The following TUSC3 variants were observed in gnomAD, a reference collection of about 807,000 sequenced individuals.
TUSC3 encodes tumor suppressor candidate 3, also known as dolichyl-diphosphooligosaccharide--protein glycosyltransferase subunit TUSC3.
In TUSC3, 45 loss-of-function variants were observed where a neutral mutation model predicts 44.8. That is an observed-to-expected ratio of 1.00 (90% CI 0.79 to 1.29). TUSC3 has a LOEUF of 1.29. Ranked by LOEUF, TUSC3 falls within the 50% of genes most tolerant of loss-of-function variation. The probability of loss-of-function intolerance (pLI) is 0.00; values close to 1 mark genes in which losing one functional copy is unlikely to be tolerated. For missense variants in TUSC3, 519 were observed against 437.9 expected (o/e 1.19, Z -1.65); for synonymous variants, 212 against 152.9 (o/e 1.39, Z -2.85).
chr8:15,633,118 A>G (rs577898283), intron 2 of TUSC3, among the ~76,000 whole-genome samples: 9 of 152,326 alleles, frequency 5.9e-5, no homozygotes, highest in East Asian at 1.9e-4. Context: ...ATAGATGTGT[A>G]TACGTATTTT....
At chr8:15,805,720 G>C in the TUSC3 span, among the ~76,000 whole-genome samples, 2 of 152,092 alleles carry the variant, frequency 1.3e-5, no homozygotes, top group African/African-American at 2.4e-5. Flanking sequence ...ACTGGATTCA[G>C]TTTGCTAGGA....
intron 2 of TUSC3, among the ~76,000 whole-genome samples, chr8:15,637,942 C>G (rs764116941): frequency 9.2e-5 from 14 of 152,184 alleles, no homozygotes; most frequent in Non-Finnish European, 1.8e-4. Context: ...CTGTTTCACT[C>G]TATCACCAAC....
chr8:15,698,437 C>G (rs1326323954), intron 6 of TUSC3, among the ~76,000 whole-genome samples: 2 of 152,228 alleles, frequency 1.3e-5, no homozygotes, highest in Non-Finnish European at 2.9e-5. Flanking sequence ...AGTTTATATA[C>G]TTACTAAATC....
At chr8:15,815,010 GAC>G in the TUSC3 span, among the ~76,000 whole-genome samples, 3 of 152,168 alleles carry the variant, frequency 2.0e-5, no homozygotes, top group East Asian at 3.9e-4. Flanking sequence ...GATACACACA[GAC>G]ACAAATTAAA....
intron 1 of TUSC3, among the ~76,000 whole-genome samples, chr8:15,448,192 C>T (rs892632443): frequency 6.7e-6 from 1 of 149,116 alleles, no homozygotes. Context: ...GATCTCAGCT[C>T]ACTGCAACCT....
At chr8:15,523,692 G>GTATATA (rs1366898185) in intron 2 of TUSC3, among the ~76,000 whole-genome samples, 6 of 48,432 alleles carry the variant, frequency 1.2e-4, no homozygotes, top group African/African-American at 4.3e-4. Flanking sequence ...GTGTGTGTGT[G>GTATATA]TGTGTGTGTG....
intron 6 of TUSC3, among the ~76,000 whole-genome samples, chr8:15,726,676 C>G (rs1810508633): frequency 6.6e-6 from 1 of 152,006 alleles, no homozygotes; most frequent in South Asian, 2.1e-4. Flanking sequence ...CATGGTGGTG[C>G]ACACCTGTAA....
At chr8:15,755,181 A>G (rs981630152) in intron 9 of TUSC3, among the ~76,000 whole-genome samples, 1 of 152,116 alleles carries the variant, frequency 6.6e-6, no homozygotes, top group Admixed American at 6.6e-5. Context: ...GCTCGTTACT[A>G]GCTGTGTGAC....
the TUSC3 span, among the ~76,000 whole-genome samples, chr8:15,830,176 G>A: frequency 5.9e-5 from 9 of 151,698 alleles, no homozygotes; most frequent in Admixed American, 3.3e-4. Flanking sequence ...AGAGTTCTTC[G>A]CAGATTCTGG....
At chr8:15,492,056 T>A (rs1412132105) in intron 2 of TUSC3, among the ~76,000 whole-genome samples, 1 of 152,222 alleles carries the variant, frequency 6.6e-6, no homozygotes, top group African/African-American at 2.4e-5. Context: ...ACTCCTCATA[T>A]TCCTGGCTAT....
In TUSC3 at chr8:15,759,343, G is replaced by C. The variant is rs567966058; in HGVS notation, c.*46+1488G>C. Among the ~76,000 whole-genome samples, 11 of 152,172 alleles carry C rather than the reference G, an allele frequency of 7.2e-5. No individual in the cohort carries two copies. The East Asian group carries it at 2.1e-3, about 30-fold the overall frequency. On this transcript the variant is annotated intron_variant, in intron 10 of 10. Coordinates refer to ENST00000503731, the MANE Select transcript of TUSC3 (RefSeq NM_006765.4). ...CTCCAGTTTAAGAACAGGAAGAGCA[G>C]TGCACAAATATGTTCTGTCGAGCTG...
chr8:15,807,527 T>A, the TUSC3 span, among the ~76,000 whole-genome samples: 2 of 152,058 alleles, frequency 1.3e-5, no homozygotes, highest in African/African-American at 4.8e-5. Flanking sequence ...TGAGTATATA[T>A]CCAAAGGAAA....
intron 1 of TUSC3, among the ~76,000 whole-genome samples, chr8:15,578,966 A>G (rs1445123119): frequency 6.6e-6 from 1 of 152,040 alleles, no homozygotes; most frequent in African/African-American, 2.4e-5. Flanking sequence ...TTGGCTGGTA[A>G]GCTATTGATT....
chr8:15,843,701 T>C, the TUSC3 span, among the ~76,000 whole-genome samples: 3 of 151,672 alleles, frequency 2.0e-5, no homozygotes, highest in Admixed American at 6.6e-5. Context: ...TATCTATATC[T>C]AAATATAAGA....
chr8:15,716,039 T>G (rs993019340), intron 6 of TUSC3, among the ~76,000 whole-genome samples: 5 of 151,916 alleles, frequency 3.3e-5, no homozygotes, highest in Admixed American at 6.6e-5. Flanking sequence ...GCGGTTCACT[T>G]GAGATAAGGA....
chr8:15,573,640 T>C (rs1226706608), intron 1 of TUSC3, among the ~76,000 whole-genome samples: 2 of 152,016 alleles, frequency 1.3e-5, no homozygotes, highest in Non-Finnish European at 2.9e-5. Flanking sequence ...AAGTTGTTTA[T>C]GAACCCTCAG....
At chr8:15,620,885 G>C (rs1805213217) in intron 1 of TUSC3, among the ~76,000 whole-genome samples, 1 of 152,140 alleles carries the variant, frequency 6.6e-6, no homozygotes, top group South Asian at 2.1e-4. Flanking sequence ...GTTACTTACT[G>C]TTTTCATAGA....
In TUSC3 at chr8:15,764,271, C is replaced by A. The variant is rs556086183; in HGVS notation, c.*115C>A. On this transcript the variant is annotated 3_prime_UTR_variant, in exon 11 of 11. Coordinates refer to ENST00000503731, the MANE Select transcript of TUSC3 (RefSeq NM_006765.4). Reference sequence around the variant, plus strand: ...TGTTTACCATGAAGATAAACTGTTCCTGACTTTATACTATTTTGAATTCAT... The same window carrying A: ...TGTTTACCATGAAGATAAACTGTTCATGACTTTATACTATTTTGAATTCAT... 1.3e-6 allele frequency: 2 copies of A among 1,566,214 alleles called. No individual in the cohort carries two copies. The highest frequency in any genetic ancestry group is 1.8e-6 in the Non-Finnish European group (2 of 1,139,738).
chr8:15,440,424 C>T (rs114903547), intron 1 of TUSC3, among the ~76,000 whole-genome samples: 152 of 152,192 alleles, frequency 1.0e-3, no homozygotes, highest in African/African-American at 3.5e-3. Flanking sequence ...GTATTTTTCA[C>T]AAGAGCAATG....
Sources: allele counts gnomAD v4.1 joint callset (sites outside exome capture counted in the v4.1 genomes callset), GRCh38; gene constraint gnomAD v4.1.1; transcripts MANE v1.5; gene names NCBI Gene and HGNC (gene_info 2026-07-23, HGNC 2026-07-21).